Variants in ATP2B2 observed in about 807,000 individuals in gnomAD.
The protein encoded by ATP2B2 is ATPase plasma membrane Ca2+ transporting 2.
A neutral mutation model predicts 120.0 loss-of-function variants in ATP2B2; 15 were observed. That is an observed-to-expected ratio of 0.12 (90% CI 0.08 to 0.19). ATP2B2 has a LOEUF of 0.19. Among genes scored for constraint, ATP2B2 ranks in the 10% least tolerant of loss-of-function variants. The pLI is 1.00. For synonymous variants in ATP2B2, 694 were observed against 700.3 expected (o/e 0.99, Z 0.14); for missense variants, 1,045 against 1,719.8 (o/e 0.61, Z 6.94).
chr3:10,641,366 T>C lies in ATP2B2; in HGVS notation c.-459-21405A>G, dbSNP rs199650112. ...AGGGCTGAGTGGGGACTGCTGCAAA[T>C]GGAGAGTCTCAAGTCTCATCTCACA... On this transcript the variant is annotated intron_variant, in intron 1 of 21. Transcript: ENST00000646379. Among the ~76,000 whole-genome samples, 25 of 152,202 alleles carry C rather than the reference T, an allele frequency of 1.6e-4. No homozygotes were observed. The East Asian group carries it at 4.8e-3, about 29-fold the overall frequency.
rs2062577779 is a variant in ATP2B2 at position 10,410,616 on chromosome 3, A to G, written c.397+2T>C. ...GGTTCGTGGGTCTGAGGCCCATCTT[A>G]CCTTCGTTGCCCTCGCCGGGCGGGT... On this transcript the variant is annotated splice_donor_variant, in intron 3 of 22. Coordinates refer to ENST00000360273, the MANE Select transcript of ATP2B2 (RefSeq NM_001001331.4). LOFTEE classifies it high-confidence loss of function. 3.1e-6 allele frequency: 5 copies of G among 1,602,294 alleles called. No individual in the cohort carries two copies. The African/African-American group carries it at 6.7e-5, about 21-fold the overall frequency.
At chr3:10,500,743 T>G (rs753464493) in intron 1 of ATP2B2, among the ~76,000 whole-genome samples, 2 of 152,172 alleles carry the variant, frequency 1.3e-5, no homozygotes, top group Non-Finnish European at 2.9e-5. Context: ...CTTCCAGAAG[T>G]GGGAGACAAT....
At chr3:10,546,203 C>T (rs2067542346) in intron 2 of ATP2B2, among the ~76,000 whole-genome samples, 1 of 152,214 alleles carries the variant, frequency 6.6e-6, no homozygotes, top group Non-Finnish European at 1.5e-5. Context: ...CCACACCCAT[C>T]TCTCAGCCTC....
chr3:10,422,976 G>A (rs1235602819), intron 2 of ATP2B2, among the ~76,000 whole-genome samples: 1 of 152,208 alleles, frequency 6.6e-6, no homozygotes, highest in South Asian at 2.1e-4. Context: ...AAGTGGGTGT[G>A]GGGGCTGGGG....
rs193275242 is a variant in ATP2B2, at chr3:10,672,841, G to A, written c.-460+35074C>T. 1.1e-3 allele frequency among the ~76,000 whole-genome samples: 171 copies of A among 152,324 alleles called. 1 individual carries two copies. Among genetic ancestry groups the A allele is most frequent in the African/African-American group, 3.8e-3 (158 of 41,572 alleles). ...CAAAGGGCTTTCTCTAACAACAGAG[G>A]AATCTTTGATTCACATTCTTATAAT... On this transcript the variant is annotated intron_variant, in intron 1 of 21. Coordinates refer to the ATP2B2 transcript ENST00000646379.
At chr3:10,484,196 A>T (rs2065532611) in intron 1 of ATP2B2, among the ~76,000 whole-genome samples, 1 of 152,006 alleles carries the variant, frequency 6.6e-6, no homozygotes, top group African/African-American at 2.4e-5. Context: ...GTGCAGAAAA[A>T]CTGAGTTCCT....
chr3:10,431,781 G>A (rs910098880), intron 2 of ATP2B2, among the ~76,000 whole-genome samples: 2 of 151,714 alleles, frequency 1.3e-5, no homozygotes, highest in African/African-American at 2.4e-5. Context: ...AGTGTCTGGC[G>A]CTTGGTAGGT....
intron 2 of ATP2B2, among the ~76,000 whole-genome samples, chr3:10,556,305 C>G (rs916001818): frequency 6.6e-6 from 1 of 152,204 alleles, no homozygotes; most frequent in Admixed American, 6.5e-5. Flanking sequence ...TTACTGAGCA[C>G]CTAGTAGGTA....
Position 10,375,844 on chromosome 3 carries a change from A to G in ATP2B2, c.1202-200T>C, listed in dbSNP as rs2061366170. Reference sequence around the variant, plus strand: ...GAGCCTCAGTCTCCTGCTCTGTACAATGGGGATGCATACTTCCTCCCCAAG... The same window carrying G: ...GAGCCTCAGTCTCCTGCTCTGTACAGTGGGGATGCATACTTCCTCCCCAAG... On this transcript the variant is annotated intron_variant, in intron 10 of 22. Transcript: ENST00000360273. The surrounding 1 kb of genome is among the most constrained non-coding windows in gnomAD (Gnocchi z 4.2). Among the ~76,000 whole-genome samples, 1 of 152,166 alleles carries G rather than the reference A, an allele frequency of 6.6e-6. No individual in the cohort carries two copies. Among genetic ancestry groups the G allele is most frequent in the African/African-American group, 2.4e-5 (1 of 41,440 alleles).
intron 2 of ATP2B2, among the ~76,000 whole-genome samples, chr3:10,417,066 C>CGGGGGGGGGGGG (rs201363749): frequency 2.6e-5 from 1 of 38,088 alleles, no homozygotes; most frequent in African/African-American, 2.3e-4. Flanking sequence ...TCCCAGACGG[C>CGGGGGGGGGGGG]GGCGGGGGGG....
intron 2 of ATP2B2, among the ~76,000 whole-genome samples, chr3:10,551,765 G>C (rs956175318): frequency 1.3e-5 from 2 of 152,168 alleles, no homozygotes; most frequent in Admixed American, 6.5e-5. Context: ...TGGTCTGCCA[G>C]TAAAGGGGAG....
At chr3:10,376,767 T>C (rs1325371008) in intron 10 of ATP2B2, among the ~76,000 whole-genome samples, 1 of 152,188 alleles carries the variant, frequency 6.6e-6, no homozygotes, top group African/African-American at 2.4e-5. Context: ...CCATCTGCTT[T>C]GAGGTAGGAC....
At position 10,639,019 on chromosome 3, in the gene ATP2B2, C is replaced by T. The variant is rs543478812; in HGVS notation, c.-459-19058G>A. On this transcript the variant is annotated intron_variant, in intron 1 of 21. Coordinates refer to the ATP2B2 transcript ENST00000646379. ...ACAATCATCGTTGGAGATTTCAATACTTCTCCCTCAATAATTGATAGAACA... is the reference window on the plus strand; with the variant it reads ...ACAATCATCGTTGGAGATTTCAATATTTCTCCCTCAATAATTGATAGAACA... Among the ~76,000 whole-genome samples the T allele has an allele frequency of 5.3e-5, 8 of 152,312 alleles. No individual in the cohort carries two copies. In the South Asian group the frequency reaches 1.5e-3, roughly 28 times the overall value.
intron 2 of ATP2B2, among the ~76,000 whole-genome samples, chr3:10,438,641 G>T (rs1019468393): frequency 6.6e-6 from 1 of 152,202 alleles, no homozygotes; most frequent in Non-Finnish European, 1.5e-5. Context: ...ATTGCACCAG[G>T]AGGAGTAAGA....
intron 14 of ATP2B2, among the ~76,000 whole-genome samples, chr3:10,356,964 T>TGAGAGA (rs4040764): frequency 2.4e-3 from 345 of 144,452 alleles, no homozygotes; most frequent in African/African-American, 6.8e-3. Context: ...TGTGTGTGTA[T>TGAGAGA]GAGAGAGAGA....
At chr3:10,669,862 G>C (rs1426863656) in intron 1 of ATP2B2, among the ~76,000 whole-genome samples, 2 of 152,190 alleles carry the variant, frequency 1.3e-5, no homozygotes, top group Admixed American at 1.3e-4. Flanking sequence ...GTTACCCGAG[G>C]TCAGTCCAGT....
intron 2 of ATP2B2, among the ~76,000 whole-genome samples, chr3:10,587,743 GTTTT>G (rs1305120966): frequency 4.6e-5 from 5 of 108,060 alleles, no homozygotes; most frequent in South Asian, 3.5e-4. Context: ...AGTGTTTCTG[GTTTT>G]TTTGTTTGTT....
intron 3 of ATP2B2, among the ~76,000 whole-genome samples, chr3:10,512,486 A>G (rs5021745): frequency 9.2e-4 from 83 of 90,602 alleles, no homozygotes; most frequent in East Asian, 4.7e-3. Flanking sequence ...ACACACACAC[A>G]CACACACACA....
At chr3:10,395,904 T>C (rs1349232111) in intron 5 of ATP2B2, among the ~76,000 whole-genome samples, 2 of 152,146 alleles carry the variant, frequency 1.3e-5, no homozygotes, top group East Asian at 3.9e-4. Context: ...CCTGCAGACA[T>C]ATGAGTTTGC....
Sources: gnomAD v4.1 joint callset for allele counts (sites outside exome capture counted in the v4.1 genomes callset) on GRCh38, gnomAD v4.1.1 for gene constraint, Gnocchi (gnomAD v3.1) non-coding constraint, MANE v1.5 for transcripts, NCBI Gene and HGNC (gene_info 2026-07-23, HGNC 2026-07-21) for gene names.